The following COPS2 variants were observed in gnomAD, a reference collection of about 807,000 sequenced individuals.
COPS2 encodes COP9 signalosome subunit 2.
COPS2 carries 10 observed loss-of-function variants against 66.1 expected under a neutral mutation model. The observed-to-expected ratio is 0.15, with a 90% CI of 0.09 to 0.26. The LOEUF is 0.26. Among genes scored for constraint, COPS2 ranks in the 10% least tolerant of loss-of-function variants. The probability of loss-of-function intolerance (pLI) is 1.00; values close to 1 mark genes in which losing one functional copy is unlikely to be tolerated. For missense variants in COPS2, 215 were observed against 513.3 expected, an observed-to-expected ratio of 0.42 and a Z score of 5.62; for synonymous variants, 179 against 171.3, an observed-to-expected ratio of 1.04 and a Z score of -0.35.
At chr15:49,144,400 A>C (rs1453771035) in intron 2 of COPS2, 96 bp from the exon 3 acceptor site, 6 of 684,890 alleles carry the variant, frequency 8.8e-6, no homozygotes, top group Non-Finnish European at 1.5e-5. Flanking sequence ...TTTATACTAT[A>C]TGCATAAAAA....
intron 1 of COPS2, among the ~76,000 whole-genome samples, chr15:49,152,151 C>A (rs1425052037): frequency 2.1e-5 from 3 of 144,748 alleles, no homozygotes; most frequent in African/African-American, 7.6e-5. Flanking sequence ...CAATTACGCA[C>A]ATTTTTTAAA....
At position 49,123,493 on chromosome 15, in the gene COPS2, T is replaced by G. The variant is rs902146314; in HGVS notation, c.*4457A>C. On this transcript the variant is annotated 3_prime_UTR_variant, in exon 13 of 13. Coordinates refer to ENST00000388901, the MANE Select transcript of COPS2 (RefSeq NM_004236.4). ...TTAAGTAAAATAGAAAACTGGAAAA[T>G]TACTGTGATAAACTGGTGATGAATT... 1 of 152,104 alleles carries G rather than the reference T, an allele frequency of 6.6e-6. No individual in the cohort carries two copies. The highest frequency in any genetic ancestry group is 2.4e-5 in the African/African-American group (1 of 41,418). 9.4% of individuals were successfully genotyped at this position (152,104 alleles called of 1,614,324 possible). A position where few individuals can be genotyped will look rare whatever the true frequency, so the allele number is the denominator to read the frequency against.
At position 49,134,331 on chromosome 15, in the gene COPS2, C is replaced by A; in HGVS notation, c.715+9G>T. On this transcript the variant is annotated intron_variant, in intron 7 of 12. Coordinates refer to ENST00000388901, the MANE Select transcript of COPS2 (RefSeq NM_004236.4). ...ATGCCACTGCCCACCCTCTCCAAAC[C>A]AAACTTGCCTCTGATAACTCCCATA... 6.2e-7 allele frequency: 1 copy of A among 1,611,212 alleles called. No homozygotes were observed. Among genetic ancestry groups the A allele is most frequent in the South Asian group, 1.1e-5 (1 of 90,394 alleles).
intron 1 of COPS2, among the ~76,000 whole-genome samples, chr15:49,146,300 G>C (rs767442119): frequency 6.6e-6 from 1 of 151,992 alleles, no homozygotes; most frequent in African/African-American, 2.4e-5. Flanking sequence ...AAATCACTTG[G>C]AACACTTCTT....
At chr15:49,139,860 A>T (rs916971671) in intron 3 of COPS2, among the ~76,000 whole-genome samples, 1 of 152,248 alleles carries the variant, frequency 6.6e-6, no homozygotes, top group African/African-American at 2.4e-5. Flanking sequence ...CCAAATGTAT[A>T]AAGTTAGCTT....
chr15:49,148,273 A>C (rs2084335342), intron 1 of COPS2, among the ~76,000 whole-genome samples: 1 of 152,134 alleles, frequency 6.6e-6, no homozygotes. Flanking sequence ...TCTATTAAGG[A>C]ACAGATATGC....
At chr15:49,140,925 A>G (rs1440867635) in intron 3 of COPS2, among the ~76,000 whole-genome samples, 1 of 152,092 alleles carries the variant, frequency 6.6e-6, no homozygotes, top group Non-Finnish European at 1.5e-5. Context: ...AAAACTTGAG[A>G]ACAATCCCTG....
At chr15:49,137,109 T>A (rs1270229038) in intron 6 of COPS2, 41 bp downstream of exon 6, 5 of 1,243,556 alleles carry the variant, frequency 4.0e-6, no homozygotes, top group South Asian at 1.4e-5. Flanking sequence ...ACTTTTTTTT[T>A]ATTATGAAGA....
chr15:49,130,605 A>G, intron 10 of COPS2, 114 bp downstream of exon 10: 1 of 576,790 alleles, frequency 1.7e-6, no homozygotes, highest in South Asian at 2.9e-5. Context: ...AAACATATCT[A>G]TACTTTGCAA....
intron 6 of COPS2, among the ~76,000 whole-genome samples, chr15:49,134,739 G>GT (rs1216790649): frequency 1.3e-5 from 2 of 151,862 alleles, no homozygotes; most frequent in Non-Finnish European, 2.9e-5. Flanking sequence ...GTAGCCAAAG[G>GT]TTTTTTTTAT....
intron 3 of COPS2, among the ~76,000 whole-genome samples, chr15:49,143,977 G>A (rs619506): frequency 0.71 from 104,764 of 148,292 alleles, 37,139 homozygotes; most frequent in East Asian, 0.89. Flanking sequence ...CAGAGCGGGG[G>A]AAAAAAAAAA....
At chr15:49,143,477 T>C (rs1288455425) in intron 3 of COPS2, among the ~76,000 whole-genome samples, 1 of 152,082 alleles carries the variant, frequency 6.6e-6, no homozygotes, top group Non-Finnish European at 1.5e-5. Flanking sequence ...TGGACCAGAG[T>C]AGCAGAGGTA....
At chr15:49,141,757 T>C (rs1393488909) in intron 3 of COPS2, among the ~76,000 whole-genome samples, 2 of 152,098 alleles carry the variant, frequency 1.3e-5, no homozygotes, top group East Asian at 3.9e-4. Context: ...CCATAACTTA[T>C]TCACAGATGC....
chr15:49,150,074 C>T (rs924660394), intron 1 of COPS2, among the ~76,000 whole-genome samples: 1 of 151,872 alleles, frequency 6.6e-6, no homozygotes, highest in African/African-American at 2.4e-5. Context: ...GCAGGTGGAT[C>T]ACCAGGAGTT....
chr15:49,149,847 C>G (rs1307820254), intron 1 of COPS2, among the ~76,000 whole-genome samples: 3 of 152,158 alleles, frequency 2.0e-5, no homozygotes, highest in Non-Finnish European at 4.4e-5. Context: ...GCAGTTGTTT[C>G]ATTATCCTTA....
At position 49,128,027 on chromosome 15, in the gene COPS2, C is replaced by A. The variant is rs1369277510; in HGVS notation, c.1255G>T (p.Ala419Ser). 2 of 1,613,934 alleles carry A rather than the reference C, an allele frequency of 1.2e-6. No individual in the cohort carries two copies. Among genetic ancestry groups the A allele is most frequent in the Non-Finnish European group, 1.7e-6 (2 of 1,179,870 alleles). The stretch of plus-strand genomic sequence containing the variant: ...CATTTATCTAGTGCAGTATATCGTG[C>A]ACCACCCCTCTTCTGATGATCCAGT... ...LELDHQKRGG[A>S]RYTALDKWTN... is the part of the protein sequence containing the mutation. Residue 419 changes from alanine (A) to serine (S), a missense_variant, in exon 13 of 13, where the codon GCA becomes TCA. By Grantham distance (99) the Ala-to-Ser change is moderately conservative. Transcript: ENST00000388901.
At chr15:49,144,120 C>T in intron 3 of COPS2, 107 bp downstream of exon 3, 1 of 750,476 alleles carries the variant, frequency 1.3e-6, no homozygotes, top group East Asian at 2.6e-5. Context: ...AATATAAAAA[C>T]ACATCCAAAG....
At chr15:49,155,072 G>A (rs2084408990) in intron 1 of COPS2, among the ~76,000 whole-genome samples, 1 of 152,242 alleles carries the variant, frequency 6.6e-6, no homozygotes, top group Non-Finnish European at 1.5e-5. Flanking sequence ...GGAGCAGTAA[G>A]GACACCCCCG....
intron 1 of COPS2, among the ~76,000 whole-genome samples, chr15:49,149,625 A>G (rs1428686415): frequency 7.2e-5 from 11 of 152,350 alleles, no homozygotes; most frequent in South Asian, 2.1e-4. Context: ...AAAATAACAC[A>G]ACACAGAGCA....
Sources: gnomAD v4.1 joint callset for allele counts (sites outside exome capture counted in the v4.1 genomes callset) on GRCh38, gnomAD v4.1.1 for gene constraint, MANE v1.5 for transcripts, NCBI Gene and HGNC (gene_info 2026-07-23, HGNC 2026-07-21) for gene names.